Variants in CDH10 observed in about 807,000 individuals in gnomAD.
CDH10 encodes cadherin 10.
Under a neutral mutation model 73.1 loss-of-function variants are expected in CDH10, and 30 were observed. The observed-to-expected ratio is 0.41, with a 90% CI of 0.31 to 0.56. The LOEUF (loss-of-function observed/expected upper bound fraction) is 0.56. Ranked by LOEUF, CDH10 falls within the 20% of genes least tolerant of loss-of-function variation. CDH10 has a pLI of 0.27. For missense variants in CDH10, 815 were observed against 973.7 expected, an observed-to-expected ratio of 0.84 and a Z score of 2.17; for synonymous variants, 345 against 348.2, an observed-to-expected ratio of 0.99 and a Z score of 0.10.
intron 11 of CDH10, 51 bp downstream of exon 11, chr5:24,491,525 A>T (rs2111634817): frequency 6.6e-7 from 1 of 1,520,758 alleles, no homozygotes; most frequent in East Asian, 2.3e-5. Flanking sequence ...ATTCTTCAAA[A>T]TCATACTAAA....
chr5:24,575,353 AAC>A lies in CDH10; in HGVS notation c.231+17905_231+17906del, dbSNP rs1412164319. On this transcript the variant is annotated intron_variant, in intron 2 of 11. Transcript: ENST00000264463. The stretch of plus-strand genomic sequence containing the variant: ...CTCCAGCCTGGGCAACAACAAAAAC[AAC>A]AAAAAAAAAAAAAAAAAAGGAAAAA... Among the ~76,000 whole-genome samples the A allele has an allele frequency of 2.4e-4, 26 of 106,688 alleles. 5 individuals are homozygous for A. The highest frequency in any genetic ancestry group is 3.8e-4 in the Non-Finnish European group (20 of 52,722). The allele number at this position is 106,688 out of a possible 152,430, so 70.0% of individuals were successfully genotyped here.
At chr5:24,640,014 G>A (rs1397369725) in intron 1 of CDH10, among the ~76,000 whole-genome samples, 1 of 151,756 alleles carries the variant, frequency 6.6e-6, no homozygotes, top group East Asian at 1.9e-4. Context: ...ATTTATAAAA[G>A]AGTTGCTTTC....
chr5:24,500,032 A>C (rs142463037), intron 8 of CDH10, among the ~76,000 whole-genome samples: 194 of 152,336 alleles, frequency 1.3e-3, no homozygotes, highest in African/African-American at 4.4e-3. Context: ...GCTAGGGGAC[A>C]GCAGCAACCT....
chr5:24,534,230 G>A (rs1369051845), intron 5 of CDH10, among the ~76,000 whole-genome samples: 1 of 152,008 alleles, frequency 6.6e-6, no homozygotes, highest in Non-Finnish European at 1.5e-5. Context: ...AAACTAAAAT[G>A]GTGGGGGGAC....
intron 11 of CDH10, among the ~76,000 whole-genome samples, chr5:24,490,886 C>T (rs530643770): frequency 6.6e-6 from 1 of 152,246 alleles, no homozygotes; most frequent in South Asian, 2.1e-4. Context: ...AATTGTTATT[C>T]TAACAAATGT....
chr5:24,532,295 A>G (rs1332489212), intron 5 of CDH10, among the ~76,000 whole-genome samples: 1 of 152,098 alleles, frequency 6.6e-6, no homozygotes. Flanking sequence ...AGCATTAGTC[A>G]ACATTATTGG....
At chr5:24,560,039 T>C (rs1744900795) in intron 2 of CDH10, among the ~76,000 whole-genome samples, 1 of 152,158 alleles carries the variant, frequency 6.6e-6, no homozygotes, top group Non-Finnish European at 1.5e-5. Context: ...AACACCTGAC[T>C]ATTTGTGTCT....
intron 5 of CDH10, among the ~76,000 whole-genome samples, chr5:24,534,733 CTTTA>C (rs1250346416): frequency 1.3e-5 from 2 of 152,024 alleles, no homozygotes; most frequent in Non-Finnish European, 2.9e-5. Context: ...TTAGGTTCCC[CTTTA>C]TTTAATTTGA....
In CDH10 at chr5:24,509,631, A is replaced by C; in HGVS notation, c.1191T>G (p.Ile397Met). 4.3e-6 allele frequency: 7 copies of C among 1,613,744 alleles called. No individual in the cohort carries two copies. The highest frequency in any genetic ancestry group is 5.1e-6 in the Non-Finnish European group (6 of 1,179,664). Residue 397 changes from isoleucine (I) to methionine (M), a missense_variant, in exon 7 of 12, where the codon ATT (isoleucine) becomes ATG (methionine). This residue lies in a region of CDH10 where 516 missense variants were observed against 636.6 expected (regional missense o/e 0.81). Transcript: ENST00000264463. ...SSYLFEVHED[I>M]EVGTIIGTVM... ...CAGTACCAATGATTGTGCCCACTTCAATATCTTCATGAACTTCAAACAGAT... is the reference window on the plus strand; with the variant it reads ...CAGTACCAATGATTGTGCCCACTTCCATATCTTCATGAACTTCAAACAGAT...
chr5:24,534,743 T>G (rs1239429929), intron 5 of CDH10, among the ~76,000 whole-genome samples: 1 of 152,138 alleles, frequency 6.6e-6, no homozygotes, highest in African/African-American at 2.4e-5. Context: ...CTTTATTTAA[T>G]TTGAAACAGA....
intron 9 of CDH10, 27 bp downstream of exon 9, chr5:24,498,371 C>A (rs370513099): frequency 6.6e-7 from 1 of 1,523,566 alleles, no homozygotes; most frequent in Non-Finnish European, 9.0e-7. Context: ...AAAATCTTTC[C>A]AGAGTTTTAA....
intron 1 of CDH10, among the ~76,000 whole-genome samples, chr5:24,608,251 G>A (rs1043207021): frequency 2.6e-5 from 4 of 151,918 alleles, no homozygotes; most frequent in African/African-American, 7.3e-5. Flanking sequence ...GTCAACACAC[G>A]TGTTGTTTCT....
At chr5:24,590,279 CTCT>C (rs952294505) in intron 2 of CDH10, among the ~76,000 whole-genome samples, 4 of 151,432 alleles carry the variant, frequency 2.6e-5, no homozygotes, top group Admixed American at 2.0e-4. Flanking sequence ...CTCTCTCCTC[CTCT>C]TAATTTTTTT....
Position 24,535,267 on chromosome 5 carries a change from G to T in CDH10, c.659C>A (p.Thr220Asn), listed in dbSNP as rs1456089928. The T allele has an allele frequency of 6.2e-7, 1 of 1,609,988 alleles. No homozygotes were observed. Among genetic ancestry groups the T allele is most frequent in the Non-Finnish European group, 8.5e-7 (1 of 1,178,810 alleles). ...TTCTCTGTTCATGTTCGGTAAAGCA[G>T]TCCTGATGATACCTTGAGAAAATAT... ...SVEPETGIIR[T>N]ALPNMNRENR... Residue 220 changes from threonine (T) to asparagine (N), a missense_variant, in exon 5 of 12, where the codon ACT becomes AAT. Physicochemically the swap from Thr to Asn is moderately conservative, Grantham distance 65. Transcript: ENST00000264463.
intron 2 of CDH10, among the ~76,000 whole-genome samples, chr5:24,555,008 CT>C (rs1394230283): frequency 6.6e-6 from 1 of 151,978 alleles, no homozygotes; most frequent in Admixed American, 6.6e-5. Context: ...CCAGAACCTC[CT>C]TTAACATTTT....
intron 2 of CDH10, among the ~76,000 whole-genome samples, chr5:24,575,284 C>T (rs1046549578): frequency 3.1e-5 from 4 of 129,044 alleles, no homozygotes; most frequent in Admixed American, 1.6e-4. Context: ...ATCGCTTGAA[C>T]CCGGGAGGCA....
chr5:24,513,479 C>G (rs1421866457), intron 5 of CDH10, among the ~76,000 whole-genome samples: 3 of 152,104 alleles, frequency 2.0e-5, no homozygotes, highest in Non-Finnish European at 4.4e-5. Context: ...AAAAAATGAG[C>G]CAGCAGACAC....
At chr5:24,527,663 T>G in intron 5 of CDH10, among the ~76,000 whole-genome samples, 1 of 151,874 alleles carries the variant, frequency 6.6e-6, no homozygotes, top group Non-Finnish European at 1.5e-5. Flanking sequence ...TTTGTGTGTC[T>G]AAACATAGCT....
At chr5:24,586,350 G>A (rs899894982) in intron 2 of CDH10, among the ~76,000 whole-genome samples, 2 of 150,134 alleles carry the variant, frequency 1.3e-5, no homozygotes, top group Non-Finnish European at 3.0e-5. Flanking sequence ...AGAAGCAAAG[G>A]TTTTAAGTTA....
Sources: allele counts gnomAD v4.1 joint callset (sites outside exome capture counted in the v4.1 genomes callset), GRCh38; gene constraint gnomAD v4.1.1; regional missense constraint gnomAD v4.1.1; transcripts MANE v1.5; gene names NCBI Gene and HGNC (gene_info 2026-07-23, HGNC 2026-07-21).